GRID2: variants seen among roughly 807,000 people sequenced by gnomAD.
The protein encoded by GRID2 is glutamate ionotropic receptor delta type subunit 2, also known as glutamate receptor ionotropic, delta-2.
Under a neutral mutation model 114.8 loss-of-function variants are expected in GRID2, and 33 were observed. That is an observed-to-expected ratio of 0.29 (90% CI 0.22 to 0.38). GRID2 has a LOEUF of 0.38. GRID2 is among the 10% of genes least tolerant of loss of function. The probability of loss-of-function intolerance (pLI) is 1.00; values close to 1 mark genes in which losing one functional copy is unlikely to be tolerated. For synonymous variants in GRID2, 505 were observed against 449.9 expected (o/e 1.12, Z -1.55); for missense variants, 1,184 against 1,257.7 (o/e 0.94, Z 0.89).
At position 93,723,208 on chromosome 4, in the gene GRID2, G is replaced by A. The variant is rs113903209; in HGVS notation, c.2361-46002G>A. Among the ~76,000 whole-genome samples the A allele has an allele frequency of 8.2e-3, 1,247 of 152,160 alleles. 19 individuals carry two copies. Among genetic ancestry groups the A allele is most frequent in the African/African-American group, 0.029 (1,194 of 41,506 alleles). ...AACTTCATTCATCCTATGCTATTAC[G>A]GTCAGTCATTACCATGTGAGTAACT... On this transcript the variant is annotated intron_variant, in intron 14 of 15. Coordinates refer to ENST00000282020, the MANE Select transcript of GRID2 (RefSeq NM_001510.4).
intron 2 of GRID2, among the ~76,000 whole-genome samples, chr4:92,915,969 AC>A (rs1230397634): frequency 6.6e-6 from 1 of 151,900 alleles, no homozygotes; most frequent in African/African-American, 2.4e-5. Flanking sequence ...TGGATATTAG[AC>A]CTTTATCAGA....
intron 1 of GRID2, among the ~76,000 whole-genome samples, chr4:92,382,770 C>T (rs959914772): frequency 6.6e-6 from 1 of 151,822 alleles, no homozygotes; most frequent in African/African-American, 2.4e-5. Flanking sequence ...TAGAAAATAG[C>T]CATGCTACAT....
At chr4:93,252,385 T>C (rs1408922874) in intron 8 of GRID2, among the ~76,000 whole-genome samples, 2 of 149,588 alleles carry the variant, frequency 1.3e-5, no homozygotes, top group South Asian at 4.3e-4. Context: ...TGTAGGTATA[T>C]GGTCTTATTT....
intron 2 of GRID2, among the ~76,000 whole-genome samples, chr4:92,787,982 G>T (rs1739401814): frequency 6.6e-6 from 1 of 151,674 alleles, no homozygotes; most frequent in Non-Finnish European, 1.5e-5. Flanking sequence ...GGGGAGGGTT[G>T]CAAGGATATG....
chr4:93,173,940 G>T (rs919763204), intron 4 of GRID2, among the ~76,000 whole-genome samples: 2 of 152,042 alleles, frequency 1.3e-5, no homozygotes, highest in Non-Finnish European at 2.9e-5. Context: ...TTTCTTTTAG[G>T]ATTTTTAAAT....
Position 93,260,239 on chromosome 4 carries a change from AC to A in GRID2, c.1245+21750del, listed in dbSNP as rs370993079. 5.4e-3 allele frequency among the ~76,000 whole-genome samples: 817 copies of A among 151,800 alleles called. 11 individuals carry two copies. The highest frequency in any genetic ancestry group is 0.019 in the African/African-American group (770 of 41,516). On this transcript the variant is annotated intron_variant, in intron 8 of 15. Coordinates refer to ENST00000282020, the MANE Select transcript of GRID2 (RefSeq NM_001510.4). ...AAAGCAATTTTACATTATTTTGGAA[AC>A]AAAATTTCCTATATAGTTTAAATTA...
chr4:93,108,864 C>T (rs1363827534), intron 3 of GRID2, among the ~76,000 whole-genome samples: 2 of 152,062 alleles, frequency 1.3e-5, no homozygotes, highest in Non-Finnish European at 2.9e-5. Flanking sequence ...CTCCTGACCT[C>T]ATGATCTGCC....
intron 8 of GRID2, among the ~76,000 whole-genome samples, chr4:93,310,929 G>C (rs1383289345): frequency 6.6e-6 from 1 of 152,104 alleles, no homozygotes; most frequent in African/African-American, 2.4e-5. Context: ...AGGTTTACTG[G>C]AACAAACAAG....
chr4:92,564,113 G>A (rs1259120911), intron 1 of GRID2, among the ~76,000 whole-genome samples: 2 of 151,546 alleles, frequency 1.3e-5, no homozygotes, highest in African/African-American at 4.8e-5. Context: ...GAAACTCATG[G>A]GTCTGTCTTA....
chr4:93,018,156 A>C (rs541353704), intron 2 of GRID2, among the ~76,000 whole-genome samples: 2 of 151,948 alleles, frequency 1.3e-5, no homozygotes, highest in Non-Finnish European at 2.9e-5. Context: ...CTGAGAACAA[A>C]ATTTTGCTGC....
At chr4:92,747,526 A>G (rs1179367340) in intron 2 of GRID2, among the ~76,000 whole-genome samples, 1 of 152,086 alleles carries the variant, frequency 6.6e-6, no homozygotes, top group Non-Finnish European at 1.5e-5. Flanking sequence ...GTTATCAGGG[A>G]GGGAGGGGGA....
intron 8 of GRID2, among the ~76,000 whole-genome samples, chr4:93,337,663 C>CA (rs200045464): frequency 0.037 from 5,632 of 152,142 alleles, 165 homozygotes; most frequent in Middle Eastern, 0.078. Flanking sequence ...TGGTCATAAA[C>CA]AAAAAAGTAG....
chr4:93,164,883 GT>G (rs1207039894), intron 4 of GRID2: 2 of 263,966 alleles, frequency 7.6e-6, no homozygotes, highest in African/African-American at 4.4e-5. Context: ...ATATTGACGT[GT>G]TAAGGAAAAT....
chr4:93,631,366 C>T (rs1720842880), intron 14 of GRID2, among the ~76,000 whole-genome samples: 1 of 152,168 alleles, frequency 6.6e-6, no homozygotes, highest in African/African-American at 2.4e-5. Flanking sequence ...TCCCTCCCCA[C>T]TCCCCGACCC....
Position 93,804,299 on chromosome 4 carries a change from T to C in GRID2, c.222-2416T>C, listed in dbSNP as rs192216053. 2.0e-3 allele frequency among the ~76,000 whole-genome samples: 300 copies of C among 152,284 alleles called. 2 individuals are homozygous for C. The highest frequency in any genetic ancestry group is 6.4e-3 in the African/African-American group (265 of 41,564). ...AGATCCATTCAGGAAAAATGAGTCA[T>C]TAGGTGATTTTTGTCAAAATGTGAA... On this transcript the variant is annotated intron_variant, in intron 1 of 1. Coordinates refer to the GRID2 transcript ENST00000637838.
chr4:93,169,033 G>A (rs1353612063), intron 4 of GRID2, among the ~76,000 whole-genome samples: 1 of 151,894 alleles, frequency 6.6e-6, no homozygotes, highest in Non-Finnish European at 1.5e-5. Context: ...GGATCATTCA[G>A]TGGCCTCAAG....
chr4:93,706,697 C>T (rs1728029801), intron 14 of GRID2, among the ~76,000 whole-genome samples: 3 of 152,084 alleles, frequency 2.0e-5, no homozygotes, highest in Admixed American at 2.0e-4. Context: ...AATTTGGATG[C>T]CCTGTATTTC....
At chr4:92,716,884 G>T (rs1171332011) in intron 2 of GRID2, among the ~76,000 whole-genome samples, 1 of 152,054 alleles carries the variant, frequency 6.6e-6, no homozygotes, top group Non-Finnish European at 1.5e-5. Context: ...TTTGATTTTC[G>T]ATTCTGACCT....
At chr4:93,137,840 A>G (rs1161466809) in intron 4 of GRID2, among the ~76,000 whole-genome samples, 1 of 152,116 alleles carries the variant, frequency 6.6e-6, no homozygotes, top group Non-Finnish European at 1.5e-5. Context: ...TTCCAAAATT[A>G]AAACACAAAT....
Sources: gnomAD v4.1 joint callset for allele counts (sites outside exome capture counted in the v4.1 genomes callset) on GRCh38, gnomAD v4.1.1 for gene constraint, MANE v1.5 for transcripts, NCBI Gene and HGNC (gene_info 2026-07-23, HGNC 2026-07-21) for gene names.